The following SLC24A2 variants were observed in gnomAD, a reference collection of about 807,000 sequenced individuals.
SLC24A2 encodes the protein solute carrier family 24 member 2.
Under a neutral mutation model 62.0 loss-of-function variants are expected in SLC24A2, and 36 were observed. The observed-to-expected ratio is 0.58, with a 90% confidence interval of 0.44 to 0.77. SLC24A2 has a LOEUF of 0.77. Ranked by LOEUF, SLC24A2 falls within the 30% of genes least tolerant of loss-of-function variation. The pLI is 0.00. For synonymous variants in SLC24A2, 358 were observed against 294.0 expected, an observed-to-expected ratio of 1.22 and a Z score of -2.23; for missense variants, 846 against 817.9, an observed-to-expected ratio of 1.03 and a Z score of -0.42.
the SLC24A2 span, among the ~76,000 whole-genome samples, chr9:20,069,946 T>G: frequency 5.5e-4 from 84 of 152,198 alleles, 1 homozygote; most frequent in East Asian, 0.016. Flanking sequence ...ACCAAAACCA[T>G]CTGTATCTAC....
chr9:19,802,287 G>C, the SLC24A2 span, among the ~76,000 whole-genome samples: 4 of 152,294 alleles, frequency 2.6e-5, no homozygotes, highest in South Asian at 8.3e-4. Context: ...TGGAATTATA[G>C]TTCCTATTGC....
At chr9:19,669,739 T>C (rs540644736) in intron 2 of SLC24A2, among the ~76,000 whole-genome samples, 111 of 152,354 alleles carry the variant, frequency 7.3e-4, no homozygotes, top group African/African-American at 2.5e-3. Context: ...TCTCCTCTTC[T>C]GCCTTAAGGA....
the SLC24A2 span, among the ~76,000 whole-genome samples, chr9:19,979,752 C>G: frequency 6.6e-6 from 1 of 152,110 alleles, no homozygotes; most frequent in African/African-American, 2.4e-5. Context: ...GCCTGAAATT[C>G]TTAAAATTGC....
the SLC24A2 span, among the ~76,000 whole-genome samples, chr9:19,944,189 A>T: frequency 6.6e-6 from 1 of 152,188 alleles, no homozygotes; most frequent in East Asian, 1.9e-4. Flanking sequence ...ACTCAACTTT[A>T]AAAAGCAAAG....
At chr9:19,543,561 G>C (rs556120692) in intron 8 of SLC24A2, among the ~76,000 whole-genome samples, 1 of 151,802 alleles carries the variant, frequency 6.6e-6, no homozygotes, top group Non-Finnish European at 1.5e-5. Flanking sequence ...TTTCTCTTGT[G>C]GGCATTTAGT....
chr9:19,595,845 C>A (rs189739476), intron 5 of SLC24A2, among the ~76,000 whole-genome samples: 2 of 152,192 alleles, frequency 1.3e-5, no homozygotes, highest in Admixed American at 1.3e-4. Flanking sequence ...AACAAACTCC[C>A]CCTCCTAAGC....
the SLC24A2 span, among the ~76,000 whole-genome samples, chr9:20,260,849 C>CTTTTTTTT: frequency 1.8e-4 from 16 of 90,264 alleles, no homozygotes; most frequent in African/African-American, 2.4e-4. Context: ...ATCATTCTTT[C>CTTTTTTTT]TTTTTTTTTT....
the SLC24A2 span, among the ~76,000 whole-genome samples, chr9:20,208,012 G>C: frequency 6.6e-6 from 1 of 152,144 alleles, no homozygotes; most frequent in African/African-American, 2.4e-5. Flanking sequence ...TGCCTTCAAT[G>C]GACTTAAAGA....
At chr9:20,042,814 T>C in the SLC24A2 span, among the ~76,000 whole-genome samples, 3 of 152,250 alleles carry the variant, frequency 2.0e-5, no homozygotes, top group Non-Finnish European at 4.4e-5. Flanking sequence ...AACTTTTTCA[T>C]TATTATTTTA....
chr9:19,776,895 C>T (rs1822862241), intron 2 of SLC24A2, among the ~76,000 whole-genome samples: 1 of 152,148 alleles, frequency 6.6e-6, no homozygotes, highest in Non-Finnish European at 1.5e-5. Flanking sequence ...GGTGAATCTC[C>T]CACATTCCAG....
chr9:19,997,209 C>A, the SLC24A2 span, among the ~76,000 whole-genome samples: 3 of 152,066 alleles, frequency 2.0e-5, no homozygotes, highest in East Asian at 5.8e-4. Flanking sequence ...GGAATCTGGT[C>A]TTGGTGCTAG....
At position 19,582,590 on chromosome 9, in the gene SLC24A2, G is replaced by C. The variant is rs960058800; in HGVS notation, c.1130-5568C>G. ...TTTTAAAATCTATTTTTGTGTTTTC[G>C]GTTCTGCCTTTCTTGTCTCTTTCTT... On this transcript the variant is annotated intron_variant, in intron 5 of 10. Coordinates refer to ENST00000341998, the MANE Select transcript of SLC24A2 (RefSeq NM_020344.4). Among the ~76,000 whole-genome samples the C allele has an allele frequency of 2.0e-5, 3 of 152,094 alleles. No homozygotes were observed. The East Asian group carries it at 5.8e-4, about 29-fold the overall frequency.
intron 4 of SLC24A2, among the ~76,000 whole-genome samples, chr9:19,597,835 C>G (rs1413383213): frequency 6.6e-6 from 1 of 152,198 alleles, no homozygotes; most frequent in Non-Finnish European, 1.5e-5. Flanking sequence ...ACAGACAACA[C>G]AGAGTGCTCT....
At chr9:20,280,652 G>T in the SLC24A2 span, among the ~76,000 whole-genome samples, 2 of 152,074 alleles carry the variant, frequency 1.3e-5, no homozygotes, top group African/African-American at 4.8e-5. Context: ...TCAAATTGTG[G>T]GTTACCGAAA....
At chr9:20,098,025 G>A in the SLC24A2 span, among the ~76,000 whole-genome samples, 2 of 151,800 alleles carry the variant, frequency 1.3e-5, no homozygotes, top group Non-Finnish European at 2.9e-5. Context: ...TACAGGCGGA[G>A]CCACCGCGCC....
chr9:19,900,755 G>C, the SLC24A2 span, among the ~76,000 whole-genome samples: 22 of 152,106 alleles, frequency 1.4e-4, 1 homozygote, highest in Non-Finnish European at 3.2e-4. Context: ...TATTGTTTAG[G>C]GCTTGTCTGG....
At chr9:19,896,632 C>T in the SLC24A2 span, among the ~76,000 whole-genome samples, 3 of 152,278 alleles carry the variant, frequency 2.0e-5, no homozygotes, top group Non-Finnish European at 4.4e-5. Flanking sequence ...AATTTGGCCC[C>T]AAACCACAAA....
rs1822406408 is a variant in SLC24A2, at chr9:19,763,378, C to A, written c.930+22559G>T. On this transcript the variant is annotated intron_variant, in intron 2 of 10. Transcript: ENST00000341998. The stretch of plus-strand genomic sequence containing the variant: ...GTTGAATAGCAGTGGTGAGAGAGGG[C>A]ATCGTTGTCTTGTGCCAGTTTTCAA... Among the ~76,000 whole-genome samples the A allele has an allele frequency of 1.3e-5, 2 of 152,204 alleles. 1 individual carries two copies. Among genetic ancestry groups the A allele is most frequent in the African/African-American group, 4.8e-5 (2 of 41,454 alleles).
chr9:19,879,548 T>C, the SLC24A2 span, among the ~76,000 whole-genome samples: 1 of 152,224 alleles, frequency 6.6e-6, no homozygotes, highest in Non-Finnish European at 1.5e-5. Context: ...TGGTTTTACA[T>C]ATCTGAATAG....
Sources: allele counts gnomAD v4.1 joint callset (sites outside exome capture counted in the v4.1 genomes callset), GRCh38; gene constraint gnomAD v4.1.1; transcripts MANE v1.5; gene names NCBI Gene and HGNC (gene_info 2026-07-23, HGNC 2026-07-21).